Variants in DUSP26 observed in about 807,000 individuals in gnomAD.
The protein encoded by DUSP26 is dual specificity phosphatase 26.
A neutral mutation model predicts 20.0 loss-of-function variants in DUSP26; 12 were observed. The ratio of observed to expected loss-of-function variants is 0.60; its 90% confidence interval spans 0.38 to 0.97. The LOEUF is 0.97. Ranked by LOEUF, DUSP26 falls within the 50% of genes least tolerant of loss-of-function variation. The probability of loss-of-function intolerance (pLI) is 0.00; values close to 1 mark genes in which losing one functional copy is unlikely to be tolerated. For missense variants in DUSP26, 230 were observed against 294.0 expected, an observed-to-expected ratio of 0.78 and a Z score of 1.59; for synonymous variants, 120 against 118.8, an observed-to-expected ratio of 1.01 and a Z score of -0.06.
At chr8:33,594,461 A>G (rs1308220680) in intron 2 of DUSP26, among the ~76,000 whole-genome samples, 2 of 151,316 alleles carry the variant, frequency 1.3e-5, no homozygotes, top group Non-Finnish European at 2.9e-5. Flanking sequence ...GTGTGGTGGT[A>G]GGCGCCTGTA....
At chr8:33,597,814 A>T in intron 1 of DUSP26, 3 of 291,090 alleles carry the variant, frequency 1.0e-5, no homozygotes, top group Non-Finnish European at 1.3e-5. Context: ...GTCCTTGTTT[A>T]CGGGGAGAGG....
chr8:33,596,453 G>A (rs1484117988), intron 2 of DUSP26, among the ~76,000 whole-genome samples: 1 of 151,902 alleles, frequency 6.6e-6, no homozygotes, highest in Admixed American at 6.6e-5. Flanking sequence ...AAGGCGGTGT[G>A]TGCCTGTAGT....
chr8:33,593,626 C>T lies in DUSP26; in HGVS notation c.343G>A (p.Gly115Ser), dbSNP rs1198348179. Residue 115 changes from glycine to serine, a missense_variant, in exon 3 of 4, where the codon GGT (glycine) becomes AGT (serine). Transcript: ENST00000256261. Reference sequence around the variant, plus strand: ...GCTGGCGAGTCGTGGGCCTCAACACCCAGGTAGCGGATGCCCAGCCCCTCA... The same window carrying T: ...GCTGGCGAGTCGTGGGCCTCAACACTCAGGTAGCGGATGCCCAGCCCCTCA... The part of the protein sequence containing the change: ...AYEGLGIRYL[G>S]VEAHDSPAFD... 6.2e-7 allele frequency: 1 copy of T among 1,614,192 alleles called. No homozygotes were observed. The highest frequency in any genetic ancestry group is 8.5e-7 in the Non-Finnish European group (1 of 1,180,038).
chr8:33,599,207 A>G (rs939774475), intron 1 of DUSP26, among the ~76,000 whole-genome samples: 7 of 152,150 alleles, frequency 4.6e-5, no homozygotes, highest in Non-Finnish European at 8.8e-5. Context: ...CCAGGCCTAA[A>G]GACCCCATTA....
Position 33,592,180 on chromosome 8 carries a change from T to C in DUSP26, c.469A>G (p.Ser157Gly). The C allele has an allele frequency of 6.2e-7, 1 of 1,613,314 alleles. No individual in the cohort carries two copies. Among genetic ancestry groups the C allele is most frequent in the Non-Finnish European group, 8.5e-7 (1 of 1,179,722 alleles). The change falls in exon 4 of 4, where the codon AGC (serine) becomes GGC (glycine). Residue 157 changes from serine to glycine, a missense_variant. Coordinates refer to ENST00000256261, the MANE Select transcript of DUSP26 (RefSeq NM_024025.3). The part of the protein sequence containing the change: ...KILVHCAVGV[S>G]RSATLVLAYL... ...GCCAGTACCAGGGTGGCGGATCGGC[T>C]CACGCCCACAGCACAATGCACCAGG...
Position 33,592,538 on chromosome 8 carries a change from C to CAAAAAAAAAAAAAAAAA in DUSP26, c.437-343_437-327dup, listed in dbSNP as rs745687703. On this transcript the variant is annotated intron_variant, in intron 3 of 3. Transcript: ENST00000256261. ...AGGCAACAAAAGTGAAACCCCATCT[C>CAAAAAAAAAAAAAAAAA]AAAAAAAAAAAAAAAAAAAAAAAAA... 5.0e-4 allele frequency among the ~76,000 whole-genome samples: 12 copies of CAAAAAAAAAAAAAAAAA among 23,768 alleles called. 1 individual carries two copies. The highest frequency in any genetic ancestry group is 2.0e-3 in the African/African-American group (12 of 5,868). 15.6% of individuals were successfully genotyped at this position (23,768 alleles called of 152,430 possible). A position where few individuals can be genotyped will look rare whatever the true frequency, so the allele number is the denominator to read the frequency against.
chr8:33,597,802 A>G, intron 1 of DUSP26: 1 of 343,288 alleles, frequency 2.9e-6, no homozygotes, highest in Non-Finnish European at 5.4e-6. Flanking sequence ...GGAGAGTCAC[A>G]TGTCCTTGTT....
rs1208211473 is a variant in DUSP26 at position 33,593,723 on chromosome 8, C to T, written c.246G>A (p.Glu82=). 5 of 1,614,214 alleles carry T rather than the reference C, an allele frequency of 3.1e-6. No homozygotes were observed. In the Admixed American group the frequency reaches 8.3e-5, roughly 27 times the overall value. The part of the protein sequence containing the change: ...GDQDMANNRR[E]LRRLGITHVL... Reference sequence around the variant, plus strand: ...CGTGCGTGATGCCCAGGCGGCGAAGCTCCCGGCGGTTGTTAGCCATGTCCC... The same window carrying T: ...CGTGCGTGATGCCCAGGCGGCGAAGTTCCCGGCGGTTGTTAGCCATGTCCC... The change falls in exon 3 of 4, where the codon GAG becomes GAA. Residue 82 remains glutamate, a synonymous_variant. Transcript: ENST00000256261.
Position 33,592,288 on chromosome 8 carries a change from G to C in DUSP26, c.437-76C>G, listed in dbSNP as rs368958192. ...AGGAGGCTGGGGAAAGGGTGACATG[G>C]GGCCGGGCATGGTGGCTCACGGCGG... On this transcript the variant is annotated intron_variant, in intron 3 of 3. Coordinates refer to ENST00000256261, the MANE Select transcript of DUSP26 (RefSeq NM_024025.3). 1,540 of 1,404,790 alleles carry C rather than the reference G, an allele frequency of 1.1e-3. 28 individuals carry two copies. The South Asian group carries it at 0.02, about 19-fold the overall frequency. 87.0% of individuals were successfully genotyped at this position (1,404,790 alleles called of 1,614,324 possible).
At chr8:33,593,895 C>T in intron 2 of DUSP26, 148 bp from the exon 3 acceptor site, 1 of 886,724 alleles carries the variant, frequency 1.1e-6, no homozygotes. Flanking sequence ...AGAGTGCTCA[C>T]TGCCACCTCC....
In DUSP26 at chr8:33,597,284, C is replaced by G; in HGVS notation, c.221+11G>C. On this transcript the variant is annotated intron_variant, in intron 2 of 3. Coordinates refer to ENST00000256261, the MANE Select transcript of DUSP26 (RefSeq NM_024025.3). ...ACGCTCTACCGTGGGCCCAGTCTGCCCGATACATACTGGTCTCCGAGATAG... is the reference window on the plus strand; with the variant it reads ...ACGCTCTACCGTGGGCCCAGTCTGCGCGATACATACTGGTCTCCGAGATAG... The G allele has an allele frequency of 6.2e-7, 1 of 1,604,616 alleles. No individual in the cohort carries two copies. The highest frequency in any genetic ancestry group is 8.5e-7 in the Non-Finnish European group (1 of 1,176,062).
Position 33,593,698 on chromosome 8 carries a change from C to A in DUSP26, c.271G>T (p.Val91Phe). 1 of 1,614,196 alleles carries A rather than the reference C, an allele frequency of 6.2e-7. No individual in the cohort carries two copies. The highest frequency in any genetic ancestry group is 8.5e-7 in the Non-Finnish European group (1 of 1,180,030). Residue 91 changes from valine (V) to phenylalanine (F), a missense_variant, in exon 3 of 4, where the codon GTC (valine) becomes TTC (phenylalanine). Val to Phe is a conservative substitution (Grantham distance 50). Transcript: ENST00000256261. ...RELRRLGITHVLNASHSRWRG... is the reference protein window; with the variant it reads ...RELRRLGITHFLNASHSRWRG... ...CACCGGCTGTGTGAGGCATTGAGGA[C>A]GTGCGTGATGCCCAGGCGGCGAAGC...
chr8:33,592,565 AGG>A (rs1811047793), intron 3 of DUSP26, among the ~76,000 whole-genome samples: 1 of 146,090 alleles, frequency 6.8e-6, no homozygotes, highest in East Asian at 2.0e-4. Context: ...AAAAAAAAAA[AGG>A]GTGACATGGA....
chr8:33,593,753 T>C lies in DUSP26; in HGVS notation c.222-6A>G. ...GGCGGTTGTTAGCCATGTCCCTGCA[T>C]TGAGTAGAGGTTAGAGGAAGGGTGG... is the stretch of plus-strand genomic sequence containing the variant. On this transcript the variant is annotated splice_region_variant and splice_polypyrimidine_tract_variant and intron_variant, in intron 2 of 3. Coordinates refer to ENST00000256261, the MANE Select transcript of DUSP26 (RefSeq NM_024025.3). 1 of 1,613,994 alleles carries C rather than the reference T, an allele frequency of 6.2e-7. No individual in the cohort carries two copies. Among genetic ancestry groups the C allele is most frequent in the Middle Eastern group, 1.7e-4 (1 of 6,058 alleles).
Position 33,593,681 on chromosome 8 carries a change from G to A in DUSP26, c.288C>T (p.His96=), listed in dbSNP as rs761519311. 10 of 1,614,230 alleles carry A rather than the reference G, an allele frequency of 6.2e-6. No homozygotes were observed. Among genetic ancestry groups the A allele is most frequent in the South Asian group, 2.2e-5 (2 of 91,082 alleles). Residue 96 remains histidine, a synonymous_variant, in exon 3 of 4, where the codon CAC becomes CAT. Coordinates refer to ENST00000256261, the MANE Select transcript of DUSP26 (RefSeq NM_024025.3). ...CCTCGGGCGTGCCTCGCCACCGGCT[G>A]TGTGAGGCATTGAGGACGTGCGTGA... ...LGITHVLNAS[H]SRWRGTPEAY...
In DUSP26 at chr8:33,594,067, G is replaced by A. The variant is rs1040786690; in HGVS notation, c.222-320C>T. On this transcript the variant is annotated intron_variant, in intron 2 of 3. Coordinates refer to ENST00000256261, the MANE Select transcript of DUSP26 (RefSeq NM_024025.3). ...ACTCCTGACCTCAAGTTATCCTCCCGCCTCGGCCTTCCAAAGTGCTGGGAT... is the reference window on the plus strand; with the variant it reads ...ACTCCTGACCTCAAGTTATCCTCCCACCTCGGCCTTCCAAAGTGCTGGGAT... Among the ~76,000 whole-genome samples the A allele has an allele frequency of 8.6e-5, 13 of 151,842 alleles. 1 individual carries two copies. The highest frequency in any genetic ancestry group is 1.3e-4 in the Admixed American group (2 of 15,232).
Position 33,592,047 on chromosome 8 carries a change from A to T in DUSP26, c.602T>A (p.Leu201Gln). Residue 201 changes from leucine to glutamine, a missense_variant, in exon 4 of 4, where the codon CTG becomes CAG. Coordinates refer to ENST00000256261, the MANE Select transcript of DUSP26 (RefSeq NM_024025.3). ...CAGACCCTGCCGCAGCCTGCGGTCC[A>T]GGGCCAGGAGCTGCCTCAGGAAGCC... ...NRGFLRQLLA[L>Q]DRRLRQGLEA 1 of 1,613,700 alleles carries T rather than the reference A, an allele frequency of 6.2e-7. No individual in the cohort carries two copies. Among genetic ancestry groups the T allele is most frequent in the East Asian group, 2.2e-5 (1 of 44,812 alleles).
chr8:33,597,489 A>C lies in DUSP26; in HGVS notation c.27T>G (p.Ala9=). The C allele has an allele frequency of 3.7e-6, 6 of 1,613,468 alleles. No homozygotes were observed. The highest frequency in any genetic ancestry group is 5.1e-6 in the Non-Finnish European group (6 of 1,179,756). Residue 9 remains alanine (A), a synonymous_variant, in exon 2 of 4, where the codon GCT becomes GCG. Transcript: ENST00000256261. Reference sequence around the variant, plus strand: ...AGAAGCGGGCCATAAAAGTCATAGAAGCCCAAAGCCAGTTACCAGGGCACA... The same window carrying C: ...AGAAGCGGGCCATAAAAGTCATAGACGCCCAAAGCCAGTTACCAGGGCACA... MCPGNWLW[A]SMTFMARFSR...
intron 1 of DUSP26, among the ~76,000 whole-genome samples, chr8:33,598,487 G>A (rs530448084): frequency 1.3e-5 from 2 of 149,980 alleles, no homozygotes; most frequent in East Asian, 4.0e-4. Flanking sequence ...CTTGAGGGGA[G>A]GGGGGACAGG....
Sources: gnomAD v4.1 joint callset for allele counts (sites outside exome capture counted in the v4.1 genomes callset) on GRCh38, gnomAD v4.1.1 for gene constraint, MANE v1.5 for transcripts, NCBI Gene and HGNC (gene_info 2026-07-23, HGNC 2026-07-21) for gene names.